The following ANO6 variants were observed in gnomAD, a reference collection of about 807,000 sequenced individuals.
ANO6 encodes the protein anoctamin-6.
In ANO6, 106 loss-of-function variants were observed where a neutral mutation model predicts 117.5. That is an observed-to-expected ratio of 0.90 (90% CI 0.77 to 1.06). The LOEUF (loss-of-function observed/expected upper bound fraction) is 1.06, where lower values mean the gene tolerates loss of function less well. Among genes scored for constraint, ANO6 ranks in the 50% least tolerant of loss-of-function variants. The pLI is 0.00. For missense variants in ANO6, 955 were observed against 1,121.1 expected (o/e 0.85, Z 2.12); for synonymous variants, 367 against 385.1 (o/e 0.95, Z 0.55).
chr12:45,252,252 G>T (rs1335954908), intron 1 of ANO6, among the ~76,000 whole-genome samples: 1 of 152,176 alleles, frequency 6.6e-6, no homozygotes, highest in African/African-American at 2.4e-5. Flanking sequence ...AGCAATTTAT[G>T]ATTAAACAAC....
chr12:45,295,423 C>T (rs1039198943), intron 1 of ANO6, among the ~76,000 whole-genome samples: 2 of 152,156 alleles, frequency 1.3e-5, no homozygotes, highest in African/African-American at 2.4e-5. Context: ...GCAGGAGCAG[C>T]GGGGCGGGGA....
chr12:45,354,010 A>G (rs1941349113), intron 7 of ANO6, among the ~76,000 whole-genome samples: 1 of 152,206 alleles, frequency 6.6e-6, no homozygotes. Context: ...AGGCCGGTAC[A>G]ATGTATAAAT....
chr12:45,328,204 T>C (rs1940536420), intron 2 of ANO6, among the ~76,000 whole-genome samples: 2 of 152,040 alleles, frequency 1.3e-5, no homozygotes, highest in Admixed American at 6.6e-5. Context: ...ACAAGCTCAT[T>C]TACTCCCTAC....
chr12:45,260,958 TTTTG>T (rs72026436), intron 1 of ANO6, among the ~76,000 whole-genome samples: 7,536 of 151,798 alleles, frequency 0.05, 431 homozygotes, highest in East Asian at 0.31. Flanking sequence ...CGGCTGTTTT[TTTTG>T]TTTGTTTGTT....
intron 15 of ANO6, among the ~76,000 whole-genome samples, chr12:45,405,095 CTTT>C (rs879299555): frequency 7.0e-6 from 1 of 143,096 alleles, no homozygotes. Context: ...CTGTGAAATT[CTTT>C]TTTTTTTTTT....
chr12:45,369,240 A>G (rs981951892), intron 9 of ANO6, among the ~76,000 whole-genome samples: 2 of 152,218 alleles, frequency 1.3e-5, no homozygotes, highest in African/African-American at 4.8e-5. Flanking sequence ...TGAAGCTAGT[A>G]AGAGGGAAGC....
chr12:45,223,042 G>T (rs142143258), intron 1 of ANO6, among the ~76,000 whole-genome samples: 412 of 152,330 alleles, frequency 2.7e-3, no homozygotes, highest in African/African-American at 9.1e-3. Context: ...CCCTGGGAGG[G>T]CGTGAAAACT....
intron 1 of ANO6, among the ~76,000 whole-genome samples, chr12:45,290,973 G>A (rs1939073651): frequency 6.6e-6 from 1 of 152,174 alleles, no homozygotes; most frequent in East Asian, 1.9e-4. Flanking sequence ...CAAGAGTCCA[G>A]AAATAAACCC....
At position 45,293,738 on chromosome 12, in the gene ANO6, T is replaced by TG. The variant is rs201804691; in HGVS notation, c.71-8276_71-8275insG. On this transcript the variant is annotated intron_variant, in intron 1 of 19. Transcript: ENST00000320560. ...ACCATGCCTGGCTAATGTTTTTTTT[T>TG]TTTTTTTTTTTTTTTTTTGTATTTT... 2.8e-4 allele frequency among the ~76,000 whole-genome samples: 38 copies of TG among 134,446 alleles called. No individual in the cohort carries two copies. The East Asian group carries it at 4.9e-3, about 17-fold the overall frequency. 88.2% of individuals were successfully genotyped at this position (134,446 alleles called of 152,430 possible). A position where few individuals can be genotyped will look rare whatever the true frequency, so the allele number is the denominator to read the frequency against.
intron 1 of ANO6, 59 bp downstream of exon 1, chr12:45,216,450 C>T (rs1437762677): frequency 2.9e-5 from 46 of 1,572,232 alleles, no homozygotes; most frequent in Non-Finnish European, 3.7e-5. Context: ...GGAAGAAGTT[C>T]GGGGACTGCG....
intron 1 of ANO6, among the ~76,000 whole-genome samples, chr12:45,230,095 G>T (rs61679354): frequency 6.6e-6 from 1 of 151,860 alleles, no homozygotes. Flanking sequence ...TAGAGATTTC[G>T]CCTTTCCCCC....
chr12:45,286,890 C>A (rs997838281), intron 1 of ANO6, among the ~76,000 whole-genome samples: 1 of 152,100 alleles, frequency 6.6e-6, no homozygotes, highest in Non-Finnish European at 1.5e-5. Context: ...TCTAAGCTCC[C>A]GTGGTTAGGA....
chr12:45,241,025 G>T (rs1189223775), intron 1 of ANO6, among the ~76,000 whole-genome samples: 2 of 152,098 alleles, frequency 1.3e-5, no homozygotes, highest in Admixed American at 1.3e-4. Context: ...ACAATTATGT[G>T]TCTTGAGGTT....
Position 45,264,650 on chromosome 12 carries a change from A to T in ANO6, c.71-37364A>T, listed in dbSNP as rs532410475. Among the ~76,000 whole-genome samples, 8 of 152,198 alleles carry T rather than the reference A, an allele frequency of 5.3e-5. No individual in the cohort carries two copies. In the South Asian group the frequency reaches 1.7e-3, roughly 32 times the overall value. On this transcript the variant is annotated intron_variant, in intron 1 of 19. Coordinates refer to ENST00000320560, the MANE Select transcript of ANO6 (RefSeq NM_001025356.3). Reference sequence around the variant, plus strand: ...ATTTTACCAATGGTTAGTTGGTGAAACCTGACTGTGGATACATACATATTT... The same window carrying T: ...ATTTTACCAATGGTTAGTTGGTGAATCCTGACTGTGGATACATACATATTT...
At chr12:45,248,582 C>A (rs539895125) in intron 1 of ANO6, among the ~76,000 whole-genome samples, 1 of 151,660 alleles carries the variant, frequency 6.6e-6, no homozygotes, top group Non-Finnish European at 1.5e-5. Flanking sequence ...TACAGGTGCA[C>A]GCCACCAAGC....
At chr12:45,331,459 C>G (rs1486599486) in intron 3 of ANO6, 36 bp downstream of exon 3, 2 of 1,553,254 alleles carry the variant, frequency 1.3e-6, no homozygotes, top group Non-Finnish European at 1.8e-6. Context: ...CTTTTTATTT[C>G]TTATATTGTA....
intron 15 of ANO6, among the ~76,000 whole-genome samples, chr12:45,407,261 G>A (rs1592029167): frequency 6.6e-6 from 1 of 152,280 alleles, no homozygotes; most frequent in Admixed American, 6.5e-5. Context: ...TAGTTGCCAG[G>A]ACAGAAGTTT....
At chr12:45,262,949 T>C (rs542256620) in intron 1 of ANO6, among the ~76,000 whole-genome samples, 1 of 152,228 alleles carries the variant, frequency 6.6e-6, no homozygotes, top group South Asian at 2.1e-4. Flanking sequence ...AATGGCCAAT[T>C]AGTAGGCAGG....
intron 1 of ANO6, among the ~76,000 whole-genome samples, chr12:45,244,403 T>TGGGGGGGGGGGGGGG (rs59579814): frequency 1.4e-5 from 1 of 72,314 alleles, no homozygotes; most frequent in African/African-American, 4.3e-5. Context: ...CTTCTCTATT[T>TGGGGGGGGGGGGGGG]GGGGGGGGGG....
Sources: allele counts gnomAD v4.1 joint callset (sites outside exome capture counted in the v4.1 genomes callset), GRCh38; gene constraint gnomAD v4.1.1; transcripts MANE v1.5; gene names NCBI Gene and HGNC (gene_info 2026-07-23, HGNC 2026-07-21).